The following NDUFB5 variants were observed in gnomAD, a reference collection of about 807,000 sequenced individuals.
NDUFB5 encodes the protein NADH:ubiquinone oxidoreductase subunit B5.
A neutral mutation model predicts 19.4 loss-of-function variants in NDUFB5; 19 were observed. That is an observed-to-expected ratio of 0.98 (90% CI 0.68 to 1.43). The LOEUF (loss-of-function observed/expected upper bound fraction) is 1.43. NDUFB5 is among the 40% of genes most tolerant of loss of function. NDUFB5 has a pLI of 0.00. For synonymous variants in NDUFB5, 80 were observed against 82.6 expected (o/e 0.97, Z 0.17); for missense variants, 233 against 236.5 (o/e 0.99, Z 0.10).
intron 1 of NDUFB5, among the ~76,000 whole-genome samples, chr3:179,612,602 G>A (rs1184440400): frequency 1.3e-5 from 2 of 148,598 alleles, no homozygotes; most frequent in Admixed American, 6.9e-5. Flanking sequence ...GCGGCCTCCC[G>A]AGTAGCTGGG....
chr3:179,613,002 A>G (rs187521212), intron 1 of NDUFB5, among the ~76,000 whole-genome samples: 3 of 152,246 alleles, frequency 2.0e-5, no homozygotes, highest in Admixed American at 2.0e-4. Flanking sequence ...GTGAGCAACT[A>G]AATTTCTGGG....
At chr3:179,617,249 T>C in intron 4 of NDUFB5, 1 of 388,334 alleles carries the variant, frequency 2.6e-6, no homozygotes, top group Non-Finnish European at 4.7e-6. Context: ...GCGATTCTCA[T>C]GCCTCAGTCT....
intron 3 of NDUFB5, among the ~76,000 whole-genome samples, chr3:179,616,580 A>C (rs1290448663): frequency 6.6e-6 from 1 of 152,146 alleles, no homozygotes; most frequent in African/African-American, 2.4e-5. Flanking sequence ...ACAAAGACTG[A>C]AAGTGTCAAT....
intron 1 of NDUFB5, among the ~76,000 whole-genome samples, chr3:179,609,036 C>T (rs1719173486): frequency 6.6e-6 from 1 of 152,204 alleles, no homozygotes; most frequent in Non-Finnish European, 1.5e-5. Flanking sequence ...CTGCGACCGT[C>T]AGAACCTATA....
intron 1 of NDUFB5, among the ~76,000 whole-genome samples, chr3:179,612,133 A>G (rs1719258533): frequency 6.6e-6 from 1 of 151,858 alleles, no homozygotes; most frequent in South Asian, 2.1e-4. Context: ...ATATTTTTAG[A>G]TTTAAGCAGA....
chr3:179,616,724 G>A (rs1432185677), intron 3 of NDUFB5, among the ~76,000 whole-genome samples: 1 of 152,122 alleles, frequency 6.6e-6, no homozygotes, highest in Non-Finnish European at 1.5e-5. Context: ...TCTTGTTACA[G>A]TATAGAAAAA....
intron 1 of NDUFB5, among the ~76,000 whole-genome samples, chr3:179,612,235 T>C (rs6797961): frequency 0.72 from 109,355 of 151,096 alleles, 40,115 homozygotes; most frequent in East Asian, 0.92. Context: ...GTAATCCCAG[T>C]TACTCCGCAA....
intron 1 of NDUFB5, among the ~76,000 whole-genome samples, chr3:179,606,990 T>G (rs773005185): frequency 1.3e-5 from 2 of 152,230 alleles, no homozygotes; most frequent in African/African-American, 2.4e-5. Flanking sequence ...ATTACAGATA[T>G]TCTCATATAG....
At position 179,615,985 on chromosome 3, in the gene NDUFB5, A is replaced by G; in HGVS notation, c.216A>G (p.Arg72=). The change falls in exon 3 of 6, where the codon AGA becomes AGG. Residue 72 remains arginine (R), a splice_region_variant and synonymous_variant. Coordinates refer to ENST00000259037, the MANE Select transcript of NDUFB5 (RefSeq NM_002492.4). ...FYDRRFLKLL[R]FYIALTGIPV... ...AAACACTTTTTTTTTTATCTTAGAG[A>G]TTCTACATTGCATTGACTGGGATTC... is the stretch of plus-strand genomic sequence containing the variant. 1 of 1,610,512 alleles carries G rather than the reference A, an allele frequency of 6.2e-7. No individual in the cohort carries two copies. The highest frequency in any genetic ancestry group is 8.5e-7 in the Non-Finnish European group (1 of 1,177,380).
chr3:179,616,547 C>G (rs913450806), intron 3 of NDUFB5, among the ~76,000 whole-genome samples: 4 of 149,826 alleles, frequency 2.7e-5, no homozygotes, highest in Admixed American at 2.0e-4. Context: ...GTCCCCCCCC[C>G]AAAAAAAAAC....
intron 1 of NDUFB5, among the ~76,000 whole-genome samples, chr3:179,608,113 G>A (rs1185866454): frequency 6.6e-6 from 1 of 152,034 alleles, no homozygotes; most frequent in Admixed American, 6.6e-5. Context: ...ATATCAAACT[G>A]AAGGTCAGGC....
chr3:179,622,858 G>A (rs913156115), intron 5 of NDUFB5, among the ~76,000 whole-genome samples: 1 of 152,186 alleles, frequency 6.6e-6, no homozygotes, highest in Admixed American at 6.5e-5. Flanking sequence ...AAAGTAAAAG[G>A]TTTGATGGAG....
Position 179,626,197 on chromosome 3 carries a change from A to G in NDUFB5, c.*2157A>G, listed in dbSNP as rs894324739. 6.6e-6 allele frequency: 1 copy of G among 151,866 alleles called. No individual in the cohort carries two copies. The highest frequency in any genetic ancestry group is 1.5e-5 in the Non-Finnish European group (1 of 67,992). 9.4% of individuals were successfully genotyped at this position (151,866 alleles called of 1,614,324 possible). A position where few individuals can be genotyped will look rare whatever the true frequency, so the allele number is the denominator to read the frequency against. On this transcript the variant is annotated 3_prime_UTR_variant, in exon 6 of 6. Coordinates refer to ENST00000259037, the MANE Select transcript of NDUFB5 (RefSeq NM_002492.4). ...TAATTATGGTTGAGCATTTTTTCAC[A>G]TATCTAATGGCCATTCATATGTCTT...
chr3:179,618,308 A>G, intron 4 of NDUFB5, 107 bp from the exon 5 acceptor site: 2 of 637,264 alleles, frequency 3.1e-6, no homozygotes, highest in South Asian at 2.1e-5. Flanking sequence ...TACATAGTAG[A>G]TGTTACTGGT....
chr3:179,615,262 G>T (rs1433330635), intron 2 of NDUFB5: 1 of 354,184 alleles, frequency 2.8e-6, no homozygotes, highest in East Asian at 5.0e-5. Flanking sequence ...CTTCACAAAA[G>T]GATTTACACT....
intron 1 of NDUFB5, chr3:179,607,826 TATA>T (rs528549363): frequency 1.2e-4 from 81 of 702,368 alleles, no homozygotes; most frequent in South Asian, 1.1e-3. Flanking sequence ...AGTAGAATCA[TATA>T]ATATTTGTCT....
chr3:179,606,859 A>G (rs561936615), intron 1 of NDUFB5, among the ~76,000 whole-genome samples: 19 of 152,348 alleles, frequency 1.2e-4, no homozygotes, highest in Non-Finnish European at 2.2e-4. Flanking sequence ...GGCAATATAC[A>G]TAGGGATTTG....
Position 179,624,795 on chromosome 3 carries a change from C to CTTTTTTTTTTTTT in NDUFB5, c.*764_*776dup, listed in dbSNP as rs56727188. On this transcript the variant is annotated 3_prime_UTR_variant, in exon 6 of 6. Coordinates refer to ENST00000259037, the MANE Select transcript of NDUFB5 (RefSeq NM_002492.4). ...GCATTTTTTAACATTATTTTCTTTT[C>CTTTTTTTTTTTTT]TTTTTTTTTTTTTTTTTTTTTGACG... The CTTTTTTTTTTTTT allele has an allele frequency of 3.1e-5, 3 of 97,276 alleles. No homozygotes were observed. The highest frequency in any genetic ancestry group is 7.0e-5 in the African/African-American group (2 of 28,492). The allele number at this position is 97,276 out of a possible 1,614,324, so 6.0% of individuals were successfully genotyped here. A position where few individuals can be genotyped will look rare whatever the true frequency, so the allele number is the denominator to read the frequency against.
At chr3:179,612,886 A>G (rs764260101) in intron 1 of NDUFB5, among the ~76,000 whole-genome samples, 1 of 152,148 alleles carries the variant, frequency 6.6e-6, no homozygotes, top group Non-Finnish European at 1.5e-5. Flanking sequence ...GAATGGACAC[A>G]TTTCTGCAGG....
Sources: gnomAD v4.1 joint callset for allele counts (sites outside exome capture counted in the v4.1 genomes callset) on GRCh38, gnomAD v4.1.1 for gene constraint, MANE v1.5 for transcripts, NCBI Gene and HGNC (gene_info 2026-07-23, HGNC 2026-07-21) for gene names.